The following TBL1XR1 variants were observed in gnomAD, a reference collection of about 807,000 sequenced individuals.
The protein encoded by TBL1XR1 is TBL1X/Y related 1, also known as F-box-like/WD repeat-containing protein TBL1XR1.
A neutral mutation model predicts 66.9 loss-of-function variants in TBL1XR1; 5 were observed. The ratio of observed to expected loss-of-function variants is 0.07; its 90% confidence interval spans 0.04 to 0.16. The LOEUF (loss-of-function observed/expected upper bound fraction) is 0.16. Ranked by LOEUF, TBL1XR1 falls within the 10% of genes least tolerant of loss-of-function variation. The pLI, the probability that TBL1XR1 is intolerant of heterozygous loss-of-function variation, is 1.00. For synonymous variants in TBL1XR1, 210 were observed against 206.0 expected, an observed-to-expected ratio of 1.02 and a Z score of -0.17; for missense variants, 238 against 623.2, an observed-to-expected ratio of 0.38 and a Z score of 6.58.
chr3:177,191,112 A>T (rs560600303), intron 1 of TBL1XR1, among the ~76,000 whole-genome samples: 1 of 152,342 alleles, frequency 6.6e-6, no homozygotes, highest in South Asian at 2.1e-4. Flanking sequence ...AGAGGCCGGC[A>T]AGAATCCCAA....
Position 177,197,343 on chromosome 3 carries a change from T to G in TBL1XR1, c.-344A>C, listed in dbSNP as rs1181168911. The stretch of plus-strand genomic sequence containing the variant: ...CGGGTCCCCAGGTGGCGAGCGGAGG[T>G]GCTCCCGCCGCGGGGGGAGGGGCGG... On this transcript the variant is annotated 5_prime_UTR_variant, in exon 1 of 16. Coordinates refer to ENST00000457928, the MANE Select transcript of TBL1XR1 (RefSeq NM_024665.7). The G allele has an allele frequency of 8.0e-6, 1 of 124,906 alleles. No homozygotes were observed. The highest frequency in any genetic ancestry group is 1.7e-5 in the Non-Finnish European group (1 of 58,168). 7.7% of individuals were successfully genotyped at this position (124,906 alleles called of 1,614,324 possible). A position where few individuals can be genotyped will look rare whatever the true frequency, so the allele number is the denominator to read the frequency against.
At chr3:177,103,619 G>A (rs952588276) in intron 1 of TBL1XR1, among the ~76,000 whole-genome samples, 5 of 152,100 alleles carry the variant, frequency 3.3e-5, no homozygotes, top group African/African-American at 1.2e-4. Context: ...GTCTCTAGAA[G>A]TAAATTTATT....
rs114956130 is a variant in TBL1XR1 at position 177,042,678 on chromosome 3, C to G, written c.925+3451G>C. 6.7e-3 allele frequency among the ~76,000 whole-genome samples: 1,019 copies of G among 152,132 alleles called. 16 individuals are homozygous for G. The highest frequency in any genetic ancestry group is 0.024 in the African/African-American group (980 of 41,520). On this transcript the variant is annotated intron_variant, in intron 10 of 15. Transcript: ENST00000457928. ...ATAAAAAAAAATTTTATGTACCTGA[C>G]AAGTGAGAGAAGTGTGTTCACTAAT...
intron 1 of TBL1XR1, among the ~76,000 whole-genome samples, chr3:177,161,972 AAC>A (rs1732265424): frequency 6.6e-6 from 1 of 152,226 alleles, no homozygotes; most frequent in Non-Finnish European, 1.5e-5. Context: ...TGTTGACAAA[AAC>A]ACAGAGCAAC....
At chr3:177,111,310 T>G (rs1725534344) in intron 1 of TBL1XR1, among the ~76,000 whole-genome samples, 1 of 151,596 alleles carries the variant, frequency 6.6e-6, no homozygotes, top group African/African-American at 2.4e-5. Context: ...CCTTTCTCTG[T>G]TGCCCAGACT....
chr3:177,127,799 T>A (rs983146834), intron 1 of TBL1XR1, among the ~76,000 whole-genome samples: 5 of 152,204 alleles, frequency 3.3e-5, no homozygotes, highest in Admixed American at 6.5e-5. Flanking sequence ...AGTGTGGGAA[T>A]GTAAAAATCA....
intron 1 of TBL1XR1, among the ~76,000 whole-genome samples, chr3:177,120,468 CAAGAGTCTTCTA>C (rs781252446): frequency 2.6e-5 from 4 of 152,134 alleles, no homozygotes; most frequent in Non-Finnish European, 1.5e-5. Flanking sequence ...CTCTAATTCC[CAAGAGTCTTCTA>C]ACTTCCTCAC....
At chr3:177,063,455 G>A (rs570722074) in intron 3 of TBL1XR1, among the ~76,000 whole-genome samples, 37 of 152,218 alleles carry the variant, frequency 2.4e-4, no homozygotes, top group Non-Finnish European at 4.9e-4. Context: ...TTGCTCCAGT[G>A]TCCAAAAGTC....
chr3:177,050,314 A>C (rs925347166), intron 6 of TBL1XR1, among the ~76,000 whole-genome samples, 164 bp downstream of exon 6: 1 of 152,238 alleles, frequency 6.6e-6, no homozygotes, highest in African/African-American at 2.4e-5. Context: ...CGAAATAGTA[A>C]GTTTAATTAA....
chr3:177,049,002 T>G (rs1463744580), intron 7 of TBL1XR1, among the ~76,000 whole-genome samples: 2 of 152,224 alleles, frequency 1.3e-5, no homozygotes, highest in Non-Finnish European at 2.9e-5. Context: ...TAAATAATAC[T>G]ACAATGTGCT....
intron 7 of TBL1XR1, chr3:177,047,810 C>T: frequency 2.4e-6 from 1 of 418,586 alleles, no homozygotes; most frequent in Non-Finnish European, 4.3e-6. Context: ...CTACATCACC[C>T]CACCTCATGC....
intron 1 of TBL1XR1, among the ~76,000 whole-genome samples, chr3:177,185,568 A>G (rs1383496942): frequency 1.3e-5 from 2 of 151,478 alleles, no homozygotes; most frequent in African/African-American, 2.4e-5. Context: ...GATCAACGCC[A>G]TTGCACTCCA....
At chr3:177,036,591 CAGA>C (rs1167756932) in intron 12 of TBL1XR1, among the ~76,000 whole-genome samples, 10 of 152,154 alleles carry the variant, frequency 6.6e-5, no homozygotes, top group Non-Finnish European at 1.3e-4. Flanking sequence ...CACACAGTTC[CAGA>C]AGAAGTTTTT....
At chr3:177,045,264 A>C (rs1458995756) in intron 10 of TBL1XR1, among the ~76,000 whole-genome samples, 1 of 152,154 alleles carries the variant, frequency 6.6e-6, no homozygotes, top group Non-Finnish European at 1.5e-5. Flanking sequence ...TCAGTCTCCA[A>C]ACTGAAATTT....
intron 2 of TBL1XR1, among the ~76,000 whole-genome samples, chr3:177,071,031 GTTTTTTT>G (rs764951521): frequency 9.5e-6 from 1 of 104,716 alleles, no homozygotes; most frequent in Non-Finnish European, 1.8e-5. Context: ...CTGAGAATCT[GTTTTTTT>G]TTTTTTTTTT....
Position 177,054,045 on chromosome 3 carries a change from C to CGTGTGTGTGTGTGT in TBL1XR1, c.59-141_59-128dup, listed in dbSNP as rs3046468. 2.9e-5 allele frequency: 18 copies of CGTGTGTGTGTGTGT among 615,660 alleles called. No individual in the cohort carries two copies. In the African/African-American group the frequency reaches 3.3e-4, roughly 11 times the overall value. The allele number at this position is 615,660 out of a possible 1,614,324, so 38.1% of individuals were successfully genotyped here. A position where few individuals can be genotyped will look rare whatever the true frequency, so the allele number is the denominator to read the frequency against. Reference sequence around the variant, plus strand: ...CCCATTTAAAATCCCAGACGAAGGTCGTGTGTGTGTGTGTGTGTGTGTGTG... The same window carrying CGTGTGTGTGTGTGT: ...CCCATTTAAAATCCCAGACGAAGGTCGTGTGTGTGTGTGTGTGTGTGTGTGTGTGTGTGTGTGTG... On this transcript the variant is annotated intron_variant, in intron 3 of 15. Coordinates refer to ENST00000457928, the MANE Select transcript of TBL1XR1 (RefSeq NM_024665.7).
Position 177,046,207 on chromosome 3 carries a change from A to C in TBL1XR1, c.865-18T>G, listed in dbSNP as rs564993517. The C allele has an allele frequency of 2.0e-6, 3 of 1,526,674 alleles. No individual in the cohort carries two copies. In the South Asian group the frequency reaches 3.8e-5, roughly 19 times the overall value. The allele number at this position is 1,526,674 out of a possible 1,614,324, so 94.6% of individuals were successfully genotyped here. A position where few individuals can be genotyped will look rare whatever the true frequency, so the allele number is the denominator to read the frequency against. On this transcript the variant is annotated intron_variant, in intron 9 of 15. Transcript: ENST00000457928. ...ATTGTAGTCTGAGATTAAAAGGAAAAGAAAAATAAACTCATGGAAAGAAGT... is the reference window on the plus strand; with the variant it reads ...ATTGTAGTCTGAGATTAAAAGGAAACGAAAAATAAACTCATGGAAAGAAGT...
intron 1 of TBL1XR1, among the ~76,000 whole-genome samples, chr3:177,149,292 G>A (rs1730612465): frequency 2.0e-5 from 3 of 152,246 alleles, no homozygotes; most frequent in African/African-American, 4.8e-5. Context: ...TCTGCAGCAT[G>A]GTTTCAGGCA....
Position 177,047,320 on chromosome 3 carries a change from G to C in TBL1XR1, c.844C>G (p.Leu282Val). ...TTTACCTTGTCTACTCCAGCACTTA[G>C]GATGAAATTTCCTTTCTTATTCCAT... is the stretch of plus-strand genomic sequence containing the variant. Reference protein sequence around the residue: ...LKWNKKGNFILSAGVDKTTII... With the variant: ...LKWNKKGNFIVSAGVDKTTII... The change falls in exon 9 of 16, where the codon CTA (leucine) becomes GTA (valine). Residue 282 changes from leucine to valine, a missense_variant. Leu to Val is a conservative substitution (Grantham distance 32). Around this residue, in one of 8 missense-constraint regions of TBL1XR1, gnomAD observed 89 missense variants for 220.2 expected, o/e 0.40. Transcript: ENST00000457928. 2 of 1,563,106 alleles carry C rather than the reference G, an allele frequency of 1.3e-6. No homozygotes were observed. Among genetic ancestry groups the C allele is most frequent in the South Asian group, 1.2e-5 (1 of 85,438 alleles).
Sources: allele counts gnomAD v4.1 joint callset (sites outside exome capture counted in the v4.1 genomes callset), GRCh38; gene constraint gnomAD v4.1.1; regional missense constraint gnomAD v4.1.1; transcripts MANE v1.5; gene names NCBI Gene and HGNC (gene_info 2026-07-23, HGNC 2026-07-21).